The following ENOX1 variants were observed in gnomAD, a reference collection of about 807,000 sequenced individuals.
The protein encoded by ENOX1 is ecto-NOX disulfide-thiol exchanger 1, also known as candidate growth-related and time keeping constitutive hydroquinone (NADH) oxidase.
A neutral mutation model predicts 82.5 loss-of-function variants in ENOX1; 42 were observed. The observed-to-expected ratio is 0.51, with a 90% CI of 0.40 to 0.66. The LOEUF is 0.66. Ranked by LOEUF, ENOX1 falls within the 30% of genes least tolerant of loss-of-function variation. ENOX1 has a pLI of 0.00. For synonymous variants in ENOX1, 271 were observed against 282.2 expected, an observed-to-expected ratio of 0.96 and a Z score of 0.40; for missense variants, 608 against 811.6, an observed-to-expected ratio of 0.75 and a Z score of 3.05.
intron 2 of ENOX1, among the ~76,000 whole-genome samples, chr13:43,502,182 G>C (rs142754110): frequency 1.3e-3 from 197 of 151,610 alleles, no homozygotes; most frequent in African/African-American, 4.5e-3. Flanking sequence ...TGAAGAAATA[G>C]AAAGCCTAAT....
At chr13:43,447,851 A>G (rs756665329) in intron 3 of ENOX1, among the ~76,000 whole-genome samples, 2 of 152,212 alleles carry the variant, frequency 1.3e-5, no homozygotes, top group Non-Finnish European at 2.9e-5. Flanking sequence ...GTATATTAAA[A>G]TGTGTTTGTG....
chr13:43,468,031 C>T (rs1040601342), intron 3 of ENOX1, among the ~76,000 whole-genome samples: 2 of 152,104 alleles, frequency 1.3e-5, no homozygotes, highest in African/African-American at 4.8e-5. Context: ...ATCTGTCTAT[C>T]CTTCTGCCAG....
At chr13:43,421,325 C>G (rs2054961642) in intron 3 of ENOX1, among the ~76,000 whole-genome samples, 1 of 152,162 alleles carries the variant, frequency 6.6e-6, no homozygotes, top group Non-Finnish European at 1.5e-5. Context: ...GGCAATACAA[C>G]AGACAGTCCT....
intron 2 of ENOX1, among the ~76,000 whole-genome samples, chr13:43,541,977 CT>C (rs2078749879): frequency 6.6e-6 from 1 of 152,118 alleles, no homozygotes; most frequent in African/African-American, 2.4e-5. Context: ...AGAACGGTTT[CT>C]GAACACTAGA....
At chr13:43,473,402 C>G (rs577721540) in intron 3 of ENOX1, among the ~76,000 whole-genome samples, 1 of 152,250 alleles carries the variant, frequency 6.6e-6, no homozygotes, top group Admixed American at 6.5e-5. Flanking sequence ...GAATTTCTAA[C>G]AGTGATGGCA....
chr13:43,307,918 G>A (rs76643511), intron 11 of ENOX1, among the ~76,000 whole-genome samples: 73,013 of 152,140 alleles, frequency 0.48, 17,851 homozygotes, highest in East Asian at 0.54. Context: ...CGGGCCCCGG[G>A]AACAGCCTTT....
At chr13:43,460,601 C>A (rs1200295092) in intron 3 of ENOX1, among the ~76,000 whole-genome samples, 1 of 151,804 alleles carries the variant, frequency 6.6e-6, no homozygotes, top group African/African-American at 2.4e-5. Flanking sequence ...GACACCATCC[C>A]GGCTAACACG....
chr13:43,370,614 G>A (rs2051172091), intron 5 of ENOX1, among the ~76,000 whole-genome samples: 1 of 152,082 alleles, frequency 6.6e-6, no homozygotes, highest in East Asian at 1.9e-4. Context: ...ACAGGATTCT[G>A]GGCATCTGGC....
intron 9 of ENOX1, among the ~76,000 whole-genome samples, chr13:43,341,068 C>A (rs574702442): frequency 3.3e-5 from 5 of 152,024 alleles, no homozygotes; most frequent in African/African-American, 1.2e-4. Context: ...GAGGCCGAGG[C>A]GGGCAGATCA....
At chr13:43,446,119 C>A (rs927741932) in intron 3 of ENOX1, among the ~76,000 whole-genome samples, 1 of 151,590 alleles carries the variant, frequency 6.6e-6, no homozygotes, top group Non-Finnish European at 1.5e-5. Flanking sequence ...ATGCAGGTAT[C>A]TTTGAAACAA....
At chr13:43,217,384 C>T (rs1293303989) in intron 16 of ENOX1, among the ~76,000 whole-genome samples, 4 of 152,172 alleles carry the variant, frequency 2.6e-5, no homozygotes, top group Non-Finnish European at 5.9e-5. Flanking sequence ...GTAAGCAAAT[C>T]ATGGGAAGTC....
At chr13:43,490,096 G>A (rs775605624) in intron 2 of ENOX1, among the ~76,000 whole-genome samples, 23 of 152,058 alleles carry the variant, frequency 1.5e-4, no homozygotes, top group Non-Finnish European at 3.1e-4. Context: ...CTGCCCCCAC[G>A]CCCAGCCAGA....
At chr13:43,502,310 A>G (rs918757353) in intron 2 of ENOX1, among the ~76,000 whole-genome samples, 13 of 151,830 alleles carry the variant, frequency 8.6e-5, no homozygotes, top group Middle Eastern at 3.4e-3. Context: ...AATGAATGCC[A>G]ATATTCTTAA....
intron 5 of ENOX1, among the ~76,000 whole-genome samples, chr13:43,362,926 T>A (rs905917486): frequency 8.0e-5 from 12 of 150,690 alleles, no homozygotes; most frequent in African/African-American, 2.5e-4. Flanking sequence ...GATTTTTTTT[T>A]AAAAGAAAAG....
At chr13:43,336,938 T>G (rs1369224469) in intron 9 of ENOX1, among the ~76,000 whole-genome samples, 3 of 152,354 alleles carry the variant, frequency 2.0e-5, no homozygotes, top group East Asian at 3.9e-4. Flanking sequence ...AGACCTAAGA[T>G]GAGGCTGATG....
intron 2 of ENOX1, among the ~76,000 whole-genome samples, chr13:43,627,105 C>T (rs971929592): frequency 2.6e-5 from 4 of 151,980 alleles, no homozygotes; most frequent in Admixed American, 2.6e-4. Flanking sequence ...AACATAGCCA[C>T]TCTTGAATTC....
intron 2 of ENOX1, among the ~76,000 whole-genome samples, chr13:43,568,663 C>T (rs1402362978): frequency 6.9e-6 from 1 of 144,734 alleles, no homozygotes; most frequent in African/African-American, 2.6e-5. Flanking sequence ...TTTCTTTTAT[C>T]TAGAGCGGGT....
intron 1 of ENOX1, among the ~76,000 whole-genome samples, chr13:43,738,193 A>G (rs1422377907): frequency 6.6e-6 from 1 of 152,230 alleles, no homozygotes; most frequent in Non-Finnish European, 1.5e-5. Context: ...AAGAGTACAT[A>G]GTACATGATA....
At chr13:43,293,281 A>G (rs2046105933) in intron 12 of ENOX1, among the ~76,000 whole-genome samples, 1 of 151,674 alleles carries the variant, frequency 6.6e-6, no homozygotes, top group Non-Finnish European at 1.5e-5. Context: ...TACCTTTACC[A>G]CCATAGCTAA....
Sources: allele counts gnomAD v4.1 joint callset (sites outside exome capture counted in the v4.1 genomes callset), GRCh38; gene constraint gnomAD v4.1.1; transcripts MANE v1.5; gene names NCBI Gene and HGNC (gene_info 2026-07-23, HGNC 2026-07-21).